The following MDGA2 variants were observed in gnomAD, a reference collection of about 807,000 sequenced individuals.
MDGA2 encodes the protein MAM domain containing glycosylphosphatidylinositol anchor 2, also known as MAM domain-containing glycosylphosphatidylinositol anchor protein 2.
In MDGA2, 40 loss-of-function variants were observed where a neutral mutation model predicts 117.8. The observed-to-expected ratio is 0.34, with a 90% CI of 0.26 to 0.44. The LOEUF is 0.44. MDGA2 is among the 20% of genes least tolerant of loss of function. The probability of loss-of-function intolerance (pLI) is 1.00; values close to 1 mark genes in which losing one functional copy is unlikely to be tolerated. For synonymous variants in MDGA2, 452 were observed against 439.0 expected (o/e 1.03, Z -0.37); for missense variants, 1,123 against 1,250.6 (o/e 0.90, Z 1.54).
rs1009865054 is a variant in MDGA2, at chr14:47,647,946, G to A, written c.280+26571C>T. Among the ~76,000 whole-genome samples, 70 of 151,934 alleles carry A rather than the reference G, an allele frequency of 4.6e-4. 2 individuals are homozygous for A. The highest frequency in any genetic ancestry group is 1.5e-5 in the Non-Finnish European group (1 of 67,942). On this transcript the variant is annotated intron_variant, in intron 1 of 16. Transcript: ENST00000399232. Reference sequence around the variant, plus strand: ...TTTGATCTTTACAAATTATATTAATGTATTAAATTATTACAGATGCCACCA... The same window carrying A: ...TTTGATCTTTACAAATTATATTAATATATTAAATTATTACAGATGCCACCA...
chr14:47,226,930 T>C (rs1886525348), intron 2 of MDGA2, among the ~76,000 whole-genome samples: 1 of 152,118 alleles, frequency 6.6e-6, no homozygotes, highest in Non-Finnish European at 1.5e-5. Context: ...AAGTTCTCCC[T>C]TTTTCCTTCA....
intron 1 of MDGA2, among the ~76,000 whole-genome samples, chr14:47,453,129 T>C (rs1893275932): frequency 6.6e-6 from 1 of 152,190 alleles, no homozygotes; most frequent in African/African-American, 2.4e-5. Flanking sequence ...TATTATAATT[T>C]ATTACATGCT....
At chr14:46,887,360 G>C (rs1882715126) in intron 10 of MDGA2, among the ~76,000 whole-genome samples, 1 of 151,918 alleles carries the variant, frequency 6.6e-6, no homozygotes, top group Non-Finnish European at 1.5e-5. Context: ...AATGTGGTTA[G>C]ACCCAAAATG....
chr14:47,461,687 C>G (rs977801207), intron 1 of MDGA2, among the ~76,000 whole-genome samples: 1 of 150,574 alleles, frequency 6.6e-6, no homozygotes, highest in East Asian at 2.0e-4. Flanking sequence ...AAAATAAAAA[C>G]GAAAAAAATA....
In MDGA2 at chr14:47,419,280, G is replaced by A. The variant is rs557784707; in HGVS notation, c.281-117730C>T. 2.0e-5 allele frequency among the ~76,000 whole-genome samples: 3 copies of A among 152,024 alleles called. No homozygotes were observed. The South Asian group carries it at 6.2e-4, about 32-fold the overall frequency. ...AGACTGTCCTCATTTTATCAATACT[G>A]CACACTTGAAAGAAGAATTCACAAA... On this transcript the variant is annotated intron_variant, in intron 1 of 16. Transcript: ENST00000399232.
intron 1 of MDGA2, among the ~76,000 whole-genome samples, chr14:47,449,943 A>G (rs941434026): frequency 6.6e-6 from 1 of 152,124 alleles, no homozygotes. Context: ...TTTTGCAGTC[A>G]TCATTGACAG....
At chr14:47,170,298 T>G (rs1363502234) in intron 3 of MDGA2, among the ~76,000 whole-genome samples, 3 of 152,152 alleles carry the variant, frequency 2.0e-5, no homozygotes, top group Admixed American at 6.5e-5. Flanking sequence ...TTGTTTGAAA[T>G]TTTGAAATGC....
At chr14:47,338,953 A>T (rs75368294) in intron 1 of MDGA2, among the ~76,000 whole-genome samples, 2,317 of 152,202 alleles carry the variant, frequency 0.015, 62 homozygotes, top group East Asian at 0.14. Flanking sequence ...TAATTATCAC[A>T]GTACTATTAG....
chr14:47,227,109 T>C (rs1017877748), intron 2 of MDGA2, among the ~76,000 whole-genome samples: 1 of 152,154 alleles, frequency 6.6e-6, no homozygotes, highest in African/African-American at 2.4e-5. Context: ...GTGTATATGT[T>C]GTAGGAGATA....
intron 1 of MDGA2, among the ~76,000 whole-genome samples, chr14:47,346,329 A>G (rs975942877): frequency 1.3e-5 from 2 of 152,178 alleles, no homozygotes; most frequent in African/African-American, 4.8e-5. Context: ...GGTAACTATT[A>G]TTCTTGTTTT....
At chr14:46,853,039 A>T (rs1881124778) in intron 15 of MDGA2, among the ~76,000 whole-genome samples, 1 of 151,974 alleles carries the variant, frequency 6.6e-6, no homozygotes, top group African/African-American at 2.4e-5. Flanking sequence ...AGATATTAGC[A>T]ATAGCAAATA....
In MDGA2 at chr14:46,992,785, T is replaced by C. The variant is rs550166657; in HGVS notation, c.1820-35142A>G. 2.1e-4 allele frequency among the ~76,000 whole-genome samples: 32 copies of C among 152,240 alleles called. No individual in the cohort carries two copies. The South Asian group carries it at 6.4e-3, about 31-fold the overall frequency. Reference sequence around the variant, plus strand: ...ACTTTGATATGCAGAGAAATTAAATTTTGAGCTCAGTGCTACAAAATGAAT... The same window carrying C: ...ACTTTGATATGCAGAGAAATTAAATCTTGAGCTCAGTGCTACAAAATGAAT... On this transcript the variant is annotated intron_variant, in intron 8 of 16. Coordinates refer to ENST00000399232, the MANE Select transcript of MDGA2 (RefSeq NM_001113498.3).
At chr14:47,606,146 T>A (rs192677038) in intron 1 of MDGA2, among the ~76,000 whole-genome samples, 23 of 152,338 alleles carry the variant, frequency 1.5e-4, no homozygotes, top group Non-Finnish European at 2.8e-4. Flanking sequence ...ACTAAATTAA[T>A]AGTTTATGAG....
At chr14:47,575,498 T>C (rs1896099523) in intron 1 of MDGA2, among the ~76,000 whole-genome samples, 1 of 152,062 alleles carries the variant, frequency 6.6e-6, no homozygotes, top group Admixed American at 6.6e-5. Context: ...CCATGTCACT[T>C]GGAACTGCTG....
At chr14:47,148,172 T>C (rs1429656511) in intron 3 of MDGA2, among the ~76,000 whole-genome samples, 2 of 152,172 alleles carry the variant, frequency 1.3e-5, no homozygotes, top group Middle Eastern at 3.2e-3. Flanking sequence ...ACTGAGTTGA[T>C]GCTATGGCTT....
intron 1 of MDGA2, among the ~76,000 whole-genome samples, chr14:47,322,268 A>G (rs1890002498): frequency 6.6e-6 from 1 of 152,220 alleles, no homozygotes; most frequent in Admixed American, 6.6e-5. Flanking sequence ...AAAGCAGGGA[A>G]GCTGAAGATT....
chr14:47,541,629 T>C (rs1035392926), intron 1 of MDGA2, among the ~76,000 whole-genome samples: 2 of 152,202 alleles, frequency 1.3e-5, no homozygotes, highest in African/African-American at 2.4e-5. Context: ...AAGGAACATC[T>C]GCTTTGGAAT....
At chr14:47,554,101 G>C (rs1306595756) in intron 1 of MDGA2, among the ~76,000 whole-genome samples, 2 of 152,106 alleles carry the variant, frequency 1.3e-5, no homozygotes, top group African/African-American at 4.8e-5. Context: ...TTGATTCTCT[G>C]GATGCCTATG....
intron 3 of MDGA2, among the ~76,000 whole-genome samples, chr14:47,166,897 C>T (rs915373749): frequency 6.6e-6 from 1 of 152,146 alleles, no homozygotes; most frequent in Non-Finnish European, 1.5e-5. Flanking sequence ...AACTGATAAA[C>T]AGGGCCTCCA....
Sources: gnomAD v4.1 joint callset for allele counts (sites outside exome capture counted in the v4.1 genomes callset) on GRCh38, gnomAD v4.1.1 for gene constraint, MANE v1.5 for transcripts, NCBI Gene and HGNC (gene_info 2026-07-23, HGNC 2026-07-21) for gene names.